The following TM9SF3 variants were observed in gnomAD, a reference collection of about 807,000 sequenced individuals.
TM9SF3 encodes transmembrane 9 superfamily member 3.
TM9SF3 carries 14 observed loss-of-function variants against 78.6 expected under a neutral mutation model. The observed-to-expected ratio is 0.18, with a 90% confidence interval of 0.12 to 0.28. The LOEUF (loss-of-function observed/expected upper bound fraction) is 0.28. TM9SF3 is among the 10% of genes least tolerant of loss of function. TM9SF3 has a pLI of 1.00. For synonymous variants in TM9SF3, 231 were observed against 241.7 expected (o/e 0.96, Z 0.41); for missense variants, 496 against 721.9 (o/e 0.69, Z 3.59).
In TM9SF3 at chr10:96,519,653, T is replaced by C. The variant is rs1847739831; in HGVS notation, c.*2610A>G. On this transcript the variant is annotated 3_prime_UTR_variant, in exon 15 of 15. Transcript: ENST00000371142. ...ATAATGTTAACAAACGAAAGACAGA[T>C]ACACAGCATTAGTGGGGGTATAAAA... 1 of 151,950 alleles carries C rather than the reference T, an allele frequency of 6.6e-6. No individual in the cohort carries two copies. 9.4% of individuals were successfully genotyped at this position (151,950 alleles called of 1,614,324 possible).
At chr10:96,536,449 A>G (rs1308008332) in intron 9 of TM9SF3, among the ~76,000 whole-genome samples, 3 of 152,234 alleles carry the variant, frequency 2.0e-5, no homozygotes, top group Non-Finnish European at 4.4e-5. Flanking sequence ...CTTTTGATCT[A>G]TGTAAAAAAC....
intron 1 of TM9SF3, among the ~76,000 whole-genome samples, chr10:96,584,591 T>C (rs1029515013): frequency 6.6e-6 from 1 of 152,184 alleles, no homozygotes; most frequent in Non-Finnish European, 1.5e-5. Flanking sequence ...GCAGATCACT[T>C]GAGGCCAGTC....
intron 8 of TM9SF3, among the ~76,000 whole-genome samples, chr10:96,547,341 C>G (rs1037013829): frequency 6.6e-6 from 1 of 152,108 alleles, no homozygotes; most frequent in Non-Finnish European, 1.5e-5. Context: ...CACCTCAAAG[C>G]AAATAGTATC....
chr10:96,573,184 T>C (rs576375177), intron 2 of TM9SF3, among the ~76,000 whole-genome samples: 4 of 152,352 alleles, frequency 2.6e-5, no homozygotes, highest in South Asian at 2.1e-4. Flanking sequence ...TAAATATTCC[T>C]ATAGTTCACA....
At chr10:96,534,287 C>T (rs1398344678) in intron 9 of TM9SF3, among the ~76,000 whole-genome samples, 2 of 152,144 alleles carry the variant, frequency 1.3e-5, no homozygotes, top group South Asian at 2.1e-4. Flanking sequence ...CTCCATAATA[C>T]CATTTTAAAC....
At chr10:96,563,819 G>C (rs1262543802) in intron 3 of TM9SF3, among the ~76,000 whole-genome samples, 1 of 151,978 alleles carries the variant, frequency 6.6e-6, no homozygotes, top group Non-Finnish European at 1.5e-5. Flanking sequence ...CGAAAAGTCA[G>C]GTACAAAGTT....
At chr10:96,555,402 C>T (rs1221568241) in intron 5 of TM9SF3, among the ~76,000 whole-genome samples, 1 of 152,178 alleles carries the variant, frequency 6.6e-6, no homozygotes, top group Non-Finnish European at 1.5e-5. Flanking sequence ...AACACAAGTA[C>T]CTTCCCCTCC....
At chr10:96,564,992 A>G (rs940930509) in intron 3 of TM9SF3, among the ~76,000 whole-genome samples, 7 of 152,214 alleles carry the variant, frequency 4.6e-5, no homozygotes, top group Admixed American at 4.6e-4. Flanking sequence ...ATTTAAAAGA[A>G]CAAATTAAGA....
chr10:96,527,651 C>T, intron 12 of TM9SF3, 155 bp from the exon 13 acceptor site: 2 of 593,834 alleles, frequency 3.4e-6, no homozygotes, highest in South Asian at 2.9e-5. Flanking sequence ...AATTTATCAA[C>T]AAGGAAAACA....
At position 96,586,805 on chromosome 10, in the gene TM9SF3, C is replaced by T; in HGVS notation, c.31G>A (p.Ala11Thr). Residue 11 changes from alanine to threonine, a missense_variant, in exon 1 of 15, where the codon GCG becomes ACG. Ala to Thr is a moderately conservative substitution (Grantham distance 58). Transcript: ENST00000371142. MRPLPGALGV[A>T]AAAALWLLLL... ...AGCAGCCACAGCGCGGCGGCCGCCG[C>T]CACGCCAAGAGCGCCAGGCAGCGGC... The T allele has an allele frequency of 7.8e-7, 1 of 1,274,850 alleles. No homozygotes were observed. The highest frequency in any genetic ancestry group is 9.9e-7 in the Non-Finnish European group (1 of 1,009,400). The allele number at this position is 1,274,850 out of a possible 1,614,324, so 79.0% of individuals were successfully genotyped here.
chr10:96,532,212 AAATAAT>A (rs1240440234), intron 10 of TM9SF3, among the ~76,000 whole-genome samples: 1 of 151,620 alleles, frequency 6.6e-6, no homozygotes, highest in African/African-American at 2.4e-5. Context: ...CTCATCTCAA[AAATAAT>A]AATAATAATA....
At chr10:96,562,785 C>A (rs541389986) in intron 3 of TM9SF3, among the ~76,000 whole-genome samples, 1 of 152,132 alleles carries the variant, frequency 6.6e-6, no homozygotes, top group African/African-American at 2.4e-5. Context: ...AAAAGATCCA[C>A]AATGTTAGGG....
At chr10:96,574,006 T>C (rs1255928376) in intron 2 of TM9SF3, among the ~76,000 whole-genome samples, 7 of 152,282 alleles carry the variant, frequency 4.6e-5, no homozygotes, top group East Asian at 3.9e-4. Flanking sequence ...ATTAAGGACA[T>C]AGGCATGGGC....
In TM9SF3 at chr10:96,557,822, T is replaced by G. The variant is rs762146893; in HGVS notation, c.660+1837A>C. On this transcript the variant is annotated intron_variant, in intron 5 of 14. Coordinates refer to ENST00000371142, the MANE Select transcript of TM9SF3 (RefSeq NM_020123.4). ...TTACCTTGACTACATAATATAAAAC[T>G]GCAACTTACCCGACCCCTGGTACTC... Among the ~76,000 whole-genome samples the G allele has an allele frequency of 2.4e-4, 37 of 152,358 alleles. No homozygotes were observed. In the South Asian group the frequency reaches 3.5e-3, roughly 14 times the overall value.
At chr10:96,569,852 T>C (rs754762525) in intron 2 of TM9SF3, among the ~76,000 whole-genome samples, 48 of 151,998 alleles carry the variant, frequency 3.2e-4, no homozygotes, top group Admixed American at 5.2e-4. Context: ...GCCAACATGG[T>C]GAAACCCCGT....
chr10:96,560,756 T>G (rs563470591), intron 4 of TM9SF3: 1 of 569,748 alleles, frequency 1.8e-6, no homozygotes, highest in East Asian at 4.4e-5. Flanking sequence ...CAGCCAAAAA[T>G]GCACAAAAGT....
intron 5 of TM9SF3, 102 bp from the exon 6 acceptor site, chr10:96,553,161 G>A: frequency 8.2e-7 from 1 of 1,214,730 alleles, no homozygotes; most frequent in Non-Finnish European, 1.1e-6. Context: ...AAAAAAAAAA[G>A]TCTTTAATTA....
intron 2 of TM9SF3, among the ~76,000 whole-genome samples, chr10:96,572,549 C>CA (rs1261971446): frequency 2.2e-5 from 3 of 135,414 alleles, no homozygotes; most frequent in Admixed American, 8.1e-5. Context: ...TTTTTTAAGA[C>CA]AGAGTCTTGC....
intron 1 of TM9SF3, among the ~76,000 whole-genome samples, chr10:96,585,049 T>G (rs1156640177): frequency 6.6e-6 from 1 of 152,218 alleles, no homozygotes; most frequent in African/African-American, 2.4e-5. Flanking sequence ...CACTTTTAAT[T>G]TGTAAATTAT....
Sources: gnomAD v4.1 joint callset for allele counts (sites outside exome capture counted in the v4.1 genomes callset) on GRCh38, gnomAD v4.1.1 for gene constraint, MANE v1.5 for transcripts, NCBI Gene and HGNC (gene_info 2026-07-23, HGNC 2026-07-21) for gene names.